SESN1: variants seen among roughly 807,000 people sequenced by gnomAD.
The protein encoded by SESN1 is sestrin-1.
In SESN1, 30 loss-of-function variants were observed where a neutral mutation model predicts 59.3. That is an observed-to-expected ratio of 0.51 (90% CI 0.38 to 0.69). The LOEUF is 0.69. Among genes scored for constraint, SESN1 ranks in the 30% least tolerant of loss-of-function variants. SESN1 has a pLI of 0.00. For missense variants in SESN1, 566 were observed against 673.0 expected, an observed-to-expected ratio of 0.84 and a Z score of 1.76; for synonymous variants, 197 against 219.9, an observed-to-expected ratio of 0.90 and a Z score of 0.92.
intron 1 of SESN1, among the ~76,000 whole-genome samples, chr6:109,074,284 A>G (rs1260823769): frequency 1.4e-5 from 2 of 145,912 alleles, no homozygotes; most frequent in African/African-American, 5.4e-5. Context: ...ATAACTGTAT[A>G]TATGTGTGTA....
chr6:109,026,529 G>A (rs931031273), intron 1 of SESN1, among the ~76,000 whole-genome samples: 8 of 151,692 alleles, frequency 5.3e-5, no homozygotes, highest in African/African-American at 9.7e-5. Context: ...ATGGAGTCTC[G>A]CTCTGTCGCC....
intron 8 of SESN1, among the ~76,000 whole-genome samples, chr6:108,989,462 GATATAGAA>G: frequency 1.4e-5 from 2 of 144,482 alleles, no homozygotes; most frequent in Non-Finnish European, 3.1e-5. Context: ...TATATCTAGA[GATATAGAA>G]ATATCTGTAT....
chr6:108,988,426 T>C, intron 9 of SESN1, 117 bp downstream of exon 9: 1 of 825,614 alleles, frequency 1.2e-6, no homozygotes, highest in Non-Finnish European at 1.8e-6. Flanking sequence ...TGTCCTGGAA[T>C]GTTTTTCTTT....
intron 1 of SESN1, among the ~76,000 whole-genome samples, chr6:109,006,327 C>T (rs754164882): frequency 1.6e-4 from 25 of 151,708 alleles, no homozygotes; most frequent in Non-Finnish European, 2.9e-4. Context: ...ACTTTAAGTT[C>T]TAGGGTACAT....
intron 1 of SESN1, among the ~76,000 whole-genome samples, chr6:109,030,116 C>T (rs1301715206): frequency 6.6e-6 from 1 of 152,142 alleles, no homozygotes; most frequent in Non-Finnish European, 1.5e-5. Context: ...CACGTGTCTG[C>T]TTCCTCTGAT....
intron 9 of SESN1, among the ~76,000 whole-genome samples, chr6:108,987,948 G>A (rs1779245269): frequency 6.6e-6 from 1 of 151,880 alleles, no homozygotes; most frequent in African/African-American, 2.4e-5. Context: ...GAATACAGGT[G>A]CATGCCACTA....
intron 1 of SESN1, among the ~76,000 whole-genome samples, chr6:109,003,012 T>C (rs1309821823): frequency 2.0e-5 from 3 of 152,072 alleles, no homozygotes; most frequent in African/African-American, 7.2e-5. Flanking sequence ...AGAAATAGTT[T>C]TCTGACATTT....
intron 1 of SESN1, among the ~76,000 whole-genome samples, chr6:109,038,646 T>C (rs533733652): frequency 1.3e-5 from 2 of 152,362 alleles, no homozygotes; most frequent in South Asian, 4.1e-4. Flanking sequence ...TAGGGGCATA[T>C]GCTCTGAGTG....
chr6:109,064,853 A>G (rs1485401727), intron 1 of SESN1, among the ~76,000 whole-genome samples: 1 of 152,138 alleles, frequency 6.6e-6, no homozygotes, highest in Admixed American at 6.5e-5. Context: ...CAATCTCTAC[A>G]TATGTAACAG....
Position 109,020,151 on chromosome 6 carries a change from G to C in SESN1, c.280-17808C>G, listed in dbSNP as rs143313022. Among the ~76,000 whole-genome samples, 108 of 152,208 alleles carry C rather than the reference G, an allele frequency of 7.1e-4. 1 individual carries two copies. The highest frequency in any genetic ancestry group is 4.1e-3 in the Admixed American group (63 of 15,290). On this transcript the variant is annotated intron_variant, in intron 1 of 9. Coordinates refer to ENST00000436639, the MANE Select transcript of SESN1 (RefSeq NM_014454.3). The stretch of plus-strand genomic sequence containing the variant: ...CAGACAAACAGGTAAGGACTCAACT[G>C]CTCCAGATACCGGTGAGGCCTAAGC...
chr6:109,015,255 C>T (rs949251972), intron 1 of SESN1, among the ~76,000 whole-genome samples: 1 of 152,102 alleles, frequency 6.6e-6, no homozygotes, highest in Non-Finnish European at 1.5e-5. Context: ...AGAATCTCTC[C>T]ACTTCTCCTT....
rs558115976 is a variant in SESN1, at chr6:109,000,727, T to A, written c.547-54A>T. ...AAATATTAAAACCTTGAACTACATA[T>A]CCTTTTTATTTACAACATGCAAAAG... On this transcript the variant is annotated intron_variant, in intron 3 of 9. Coordinates refer to ENST00000436639, the MANE Select transcript of SESN1 (RefSeq NM_014454.3). The A allele has an allele frequency of 1.6e-5, 21 of 1,309,814 alleles. No individual in the cohort carries two copies. In the African/African-American group the frequency reaches 2.0e-4, roughly 12 times the overall value. 81.1% of individuals were successfully genotyped at this position (1,309,814 alleles called of 1,614,324 possible). A position where few individuals can be genotyped will look rare whatever the true frequency, so the allele number is the denominator to read the frequency against.
intron 2 of SESN1, 87 bp from the exon 3 acceptor site, chr6:109,001,575 A>G: frequency 8.7e-7 from 1 of 1,144,768 alleles, no homozygotes; most frequent in East Asian, 2.5e-5. Flanking sequence ...TCTAAGTATC[A>G]TTTAGAAGCA....
chr6:109,000,589 T>C lies in SESN1; in HGVS notation c.631A>G (p.Asn211Asp). 1.2e-6 allele frequency: 2 copies of C among 1,612,734 alleles called. No homozygotes were observed. The highest frequency in any genetic ancestry group is 1.7e-6 in the Non-Finnish European group (2 of 1,179,226). ...LHVGGDPKWLNGLENAPQKLQ... is the reference protein window; with the variant it reads ...LHVGGDPKWLDGLENAPQKLQ... ...TTTTGAGGAGCATTCTCTAAACCAT[T>C]GAGCCACTTGGGGTCCCCACCAACA... Residue 211 changes from asparagine (N) to aspartate (D), a missense_variant, in exon 4 of 10, where the codon AAT becomes GAT. By Grantham distance (23) the Asn-to-Asp change is conservative (BLOSUM62 1). Coordinates refer to ENST00000436639, the MANE Select transcript of SESN1 (RefSeq NM_014454.3).
chr6:108,997,708 A>G (rs1779529001), intron 5 of SESN1, among the ~76,000 whole-genome samples: 1 of 152,206 alleles, frequency 6.6e-6, no homozygotes. Context: ...AACCTGTCAA[A>G]TCTATTTCAA....
intron 1 of SESN1, among the ~76,000 whole-genome samples, chr6:109,075,852 TC>T (rs1781023015): frequency 6.6e-6 from 1 of 152,170 alleles, no homozygotes; most frequent in Non-Finnish European, 1.5e-5. Flanking sequence ...TAAAAGCTCC[TC>T]AACACCCCCT....
intron 1 of SESN1, among the ~76,000 whole-genome samples, chr6:109,033,624 T>G (rs1310242328): frequency 2.6e-5 from 4 of 152,146 alleles, no homozygotes; most frequent in Non-Finnish European, 5.9e-5. Flanking sequence ...CCCAGCACAT[T>G]ATTTTATCTC....
At chr6:109,078,201 A>C (rs1284464623) in intron 1 of SESN1, among the ~76,000 whole-genome samples, 1 of 152,070 alleles carries the variant, frequency 6.6e-6, no homozygotes, top group African/African-American at 2.4e-5. Context: ...AGGAAACATA[A>C]TGAGACCCTG....
intron 1 of SESN1, among the ~76,000 whole-genome samples, chr6:109,010,692 T>C (rs1458592373): frequency 1.3e-5 from 2 of 152,228 alleles, no homozygotes; most frequent in Non-Finnish European, 2.9e-5. Context: ...ATACTGCTTT[T>C]AAAAAATAGC....
Sources: gnomAD v4.1 joint callset for allele counts (sites outside exome capture counted in the v4.1 genomes callset) on GRCh38, gnomAD v4.1.1 for gene constraint, MANE v1.5 for transcripts, NCBI Gene and HGNC (gene_info 2026-07-23, HGNC 2026-07-21) for gene names.